Variants in LRMDA observed in about 807,000 individuals in gnomAD.
LRMDA encodes the protein leucine rich melanocyte differentiation associated, also known as leucine-rich melanocyte differentiation-associated protein.
Under a neutral mutation model 29.8 loss-of-function variants are expected in LRMDA, and 18 were observed. The ratio of observed to expected loss-of-function variants is 0.60; its 90% CI spans 0.42 to 0.90. The LOEUF (loss-of-function observed/expected upper bound fraction) is 0.90, where lower values mean the gene tolerates loss of function less well. Among genes scored for constraint, LRMDA ranks in the 40% least tolerant of loss-of-function variants. The probability of loss-of-function intolerance (pLI) is 0.00; values close to 1 mark genes in which losing one functional copy is unlikely to be tolerated. For synonymous variants in LRMDA, 125 were observed against 109.4 expected, an observed-to-expected ratio of 1.14 and a Z score of -0.89; for missense variants, 273 against 273.9, an observed-to-expected ratio of 1.00 and a Z score of 0.02.
At chr10:76,498,000 T>G (rs1441614784) in intron 6 of LRMDA, among the ~76,000 whole-genome samples, 1 of 76,200 alleles carries the variant, frequency 1.3e-5, no homozygotes, top group Non-Finnish European at 4.4e-5. Context: ...TAGTTAAGAA[T>G]GCAACACCAG....
At chr10:75,858,615 T>G (rs1377319583) in intron 2 of LRMDA, among the ~76,000 whole-genome samples, 1 of 152,202 alleles carries the variant, frequency 6.6e-6, no homozygotes, top group Non-Finnish European at 1.5e-5. Flanking sequence ...CTACATTGTT[T>G]TTACTTCCCA....
At chr10:75,713,805 T>C (rs1220944355) in intron 2 of LRMDA, among the ~76,000 whole-genome samples, 1 of 152,156 alleles carries the variant, frequency 6.6e-6, no homozygotes, top group African/African-American at 2.4e-5. Flanking sequence ...GAATAAGGTT[T>C]GTCCCTTTCC....
At chr10:76,225,379 C>T (rs117250019) in intron 5 of LRMDA, among the ~76,000 whole-genome samples, 16 of 151,784 alleles carry the variant, frequency 1.1e-4, no homozygotes, top group East Asian at 7.8e-4. Context: ...ACGATGCCAC[C>T]GCACTCCAGC....
At chr10:76,025,554 C>G (rs945311674) in intron 2 of LRMDA, among the ~76,000 whole-genome samples, 1 of 151,984 alleles carries the variant, frequency 6.6e-6, no homozygotes, top group African/African-American at 2.4e-5. Context: ...ACTTGTGCAT[C>G]ATTTGTATCC....
chr10:75,558,665 A>T (rs990771743), intron 2 of LRMDA, among the ~76,000 whole-genome samples: 1 of 149,152 alleles, frequency 6.7e-6, no homozygotes, highest in Admixed American at 6.7e-5. Flanking sequence ...ATATCTCCTA[A>T]TGCTATCCCT....
At chr10:76,419,752 T>C (rs1842054185) in intron 6 of LRMDA, among the ~76,000 whole-genome samples, 1 of 152,132 alleles carries the variant, frequency 6.6e-6, no homozygotes, top group South Asian at 2.1e-4. Flanking sequence ...TCAGGTCTTT[T>C]ATCCATTTTT....
At chr10:76,196,752 G>A (rs1473006972) in intron 5 of LRMDA, among the ~76,000 whole-genome samples, 1 of 152,208 alleles carries the variant, frequency 6.6e-6, no homozygotes, top group Non-Finnish European at 1.5e-5. Flanking sequence ...TTACATGCAT[G>A]CAATTGCATT....
At chr10:75,764,829 A>G (rs1426201965) in intron 2 of LRMDA, among the ~76,000 whole-genome samples, 1 of 152,118 alleles carries the variant, frequency 6.6e-6, no homozygotes, top group Non-Finnish European at 1.5e-5. Flanking sequence ...GTGGAAAGCA[A>G]TCTGGTTGTC....
At chr10:76,026,722 C>G (rs1848069467) in intron 2 of LRMDA, among the ~76,000 whole-genome samples, 1 of 152,122 alleles carries the variant, frequency 6.6e-6, no homozygotes, top group East Asian at 1.9e-4. Context: ...TTAAGGGACC[C>G]TTTGGCAAAG....
chr10:76,221,328 A>G (rs1422675614), intron 5 of LRMDA, among the ~76,000 whole-genome samples: 1 of 152,270 alleles, frequency 6.6e-6, no homozygotes, highest in African/African-American at 2.4e-5. Flanking sequence ...GAGGAAGTCA[A>G]ATTGTCCCTG....
intron 5 of LRMDA, among the ~76,000 whole-genome samples, chr10:76,139,028 C>T (rs1850149597): frequency 6.6e-6 from 1 of 152,066 alleles, no homozygotes; most frequent in Non-Finnish European, 1.5e-5. Context: ...TGTTCATCTG[C>T]ACCTCCAAAA....
intron 5 of LRMDA, among the ~76,000 whole-genome samples, chr10:76,293,061 C>A (rs1164430228): frequency 3.3e-5 from 5 of 152,164 alleles, no homozygotes; most frequent in Non-Finnish European, 7.4e-5. Context: ...GCAAGCTCCA[C>A]CTCCCGCCTC....
At chr10:75,658,399 A>T (rs1289195356) in intron 2 of LRMDA, among the ~76,000 whole-genome samples, 1 of 152,144 alleles carries the variant, frequency 6.6e-6, no homozygotes, top group East Asian at 1.9e-4. Context: ...TGGAGTGTTC[A>T]GACTAGGGAA....
intron 5 of LRMDA, among the ~76,000 whole-genome samples, chr10:76,297,949 T>A (rs1260785155): frequency 2.0e-5 from 3 of 152,242 alleles, no homozygotes; most frequent in African/African-American, 4.8e-5. Context: ...CAAGGTCATT[T>A]ACCTTTTTAA....
At chr10:75,894,621 AGG>A (rs1845553084) in intron 2 of LRMDA, among the ~76,000 whole-genome samples, 1 of 152,210 alleles carries the variant, frequency 6.6e-6, no homozygotes, top group Non-Finnish European at 1.5e-5. Flanking sequence ...CTGCTTTGGA[AGG>A]ATAGTTGGTG....
intron 5 of LRMDA, among the ~76,000 whole-genome samples, chr10:76,080,583 G>C (rs1462596449): frequency 6.6e-6 from 1 of 152,220 alleles, no homozygotes; most frequent in Non-Finnish European, 1.5e-5. Flanking sequence ...CAATTTATGT[G>C]GATGCTTGCT....
chr10:75,431,748 A>G lies in LRMDA; in HGVS notation c.24A>G (p.Gly8=). 7.3e-7 allele frequency: 1 copy of G among 1,374,596 alleles called. No individual in the cohort carries two copies. The allele number at this position is 1,374,596 out of a possible 1,614,324, so 85.1% of individuals were successfully genotyped here. A position where few individuals can be genotyped will look rare whatever the true frequency, so the allele number is the denominator to read the frequency against. The change falls in exon 1 of 7, where the codon GGA becomes GGG. Residue 8 remains glycine, a synonymous_variant. Transcript: ENST00000611255. ...CCATGGCCGGGCTCGTGGTGCGTGG[A>G]ACTCAAGTAAGTCCCGGCCAGCCCC... MAGLVVR[G]TQVSYIGQDC...
intron 2 of LRMDA, among the ~76,000 whole-genome samples, chr10:75,820,317 A>C (rs2132280209): frequency 6.6e-6 from 1 of 152,330 alleles, no homozygotes; most frequent in Non-Finnish European, 1.5e-5. Flanking sequence ...GTCTCAGACT[A>C]GAGTGAAATA....
intron 6 of LRMDA, among the ~76,000 whole-genome samples, chr10:76,550,266 C>T (rs902190274): frequency 5.9e-5 from 9 of 152,260 alleles, no homozygotes; most frequent in African/African-American, 2.2e-4. Flanking sequence ...GACTAGTTTA[C>T]ATGTTTGTAT....
Sources: gnomAD v4.1 joint callset for allele counts (sites outside exome capture counted in the v4.1 genomes callset) on GRCh38, gnomAD v4.1.1 for gene constraint, MANE v1.5 for transcripts, NCBI Gene and HGNC (gene_info 2026-07-23, HGNC 2026-07-21) for gene names.